CCDC112: variants seen among roughly 807,000 people sequenced by gnomAD.
The protein encoded by CCDC112 is coiled-coil domain-containing protein 112.
CCDC112 carries 40 observed loss-of-function variants against 66.3 expected under a neutral mutation model. The ratio of observed to expected loss-of-function variants is 0.60; its 90% CI spans 0.47 to 0.79. The LOEUF (loss-of-function observed/expected upper bound fraction) is 0.79. CCDC112 is among the 30% of genes least tolerant of loss of function. CCDC112 has a pLI of 0.00. For missense variants in CCDC112, 659 were observed against 603.8 expected, an observed-to-expected ratio of 1.09 and a Z score of -0.96; for synonymous variants, 214 against 197.2, an observed-to-expected ratio of 1.09 and a Z score of -0.71.
intron 1 of CCDC112, 102 bp from the exon 2 acceptor site, chr5:115,285,010 G>C: frequency 9.3e-7 from 1 of 1,075,340 alleles, no homozygotes; most frequent in South Asian, 1.7e-5. Flanking sequence ...GTTTCTTGAA[G>C]GATAATTTTG....
rs142189043 is a variant in CCDC112 at position 115,275,626 on chromosome 5, GT to G, written c.528-21del. The G allele has an allele frequency of 4.1e-3, 6,052 of 1,482,458 alleles. 235 individuals carry two copies. The African/African-American group carries it at 0.077, about 19-fold the overall frequency. The allele number at this position is 1,482,458 out of a possible 1,614,324, so 91.8% of individuals were successfully genotyped here. The stretch of plus-strand genomic sequence containing the variant: ...TCATATCTAAAATTTTAAAAATAAA[GT>G]TTGAATAAGAAGACAATCCATATTA... On this transcript the variant is annotated intron_variant, in intron 5 of 9. Coordinates refer to ENST00000379611, the MANE Select transcript of CCDC112 (RefSeq NM_001040440.3).
intron 6 of CCDC112, among the ~76,000 whole-genome samples, chr5:115,274,234 C>T (rs1032933776): frequency 1.3e-5 from 2 of 152,226 alleles, no homozygotes; most frequent in East Asian, 3.9e-4. Context: ...TAAGCATCTA[C>T]CCGCTGGAAA....
At chr5:115,283,182 GTTA>G (rs1200029585) in intron 2 of CCDC112, among the ~76,000 whole-genome samples, 1 of 151,970 alleles carries the variant, frequency 6.6e-6, no homozygotes, top group Non-Finnish European at 1.5e-5. Flanking sequence ...CATACAATAC[GTTA>G]TTATTAACTA....
At position 115,282,352 on chromosome 5, in the gene CCDC112, A is replaced by G. The variant is rs187738124; in HGVS notation, c.239+2435T>C. 5.6e-3 allele frequency among the ~76,000 whole-genome samples: 847 copies of G among 152,266 alleles called. 6 individuals are homozygous for G. The highest frequency in any genetic ancestry group is 9.1e-3 in the Non-Finnish European group (616 of 67,988). On this transcript the variant is annotated intron_variant, in intron 2 of 9. Transcript: ENST00000379611. ...TACCTCTCATTTCATCTATCCATCT[A>G]TCTTTGCTTTGCTCAGTTTAAGTAT...
chr5:115,281,218 T>C (rs929763906), intron 2 of CCDC112, among the ~76,000 whole-genome samples: 2 of 152,094 alleles, frequency 1.3e-5, no homozygotes, highest in African/African-American at 4.8e-5. Context: ...GAGACAGAAT[T>C]TCGCCATGTT....
intron 1 of CCDC112, chr5:115,295,881 C>T: frequency 1.0e-6 from 1 of 985,490 alleles, no homozygotes; most frequent in Non-Finnish European, 1.2e-6. Flanking sequence ...GAAAGTCTCG[C>T]TGAGCTGATA....
intron 3 of CCDC112, among the ~76,000 whole-genome samples, chr5:115,277,557 C>A (rs1041281710): frequency 6.6e-6 from 1 of 152,122 alleles, no homozygotes; most frequent in Non-Finnish European, 1.5e-5. Context: ...GCAGGTGATA[C>A]TCATTGTTAT....
intron 6 of CCDC112, among the ~76,000 whole-genome samples, chr5:115,273,922 A>C (rs1749100151): frequency 6.6e-6 from 1 of 152,144 alleles, no homozygotes; most frequent in South Asian, 2.1e-4. Context: ...ATTTCCCTAC[A>C]TTCAATTTAT....
chr5:115,287,860 T>G (rs1354062235), intron 1 of CCDC112, among the ~76,000 whole-genome samples: 1 of 151,974 alleles, frequency 6.6e-6, no homozygotes, highest in South Asian at 2.1e-4. Flanking sequence ...TTTCTTTTAT[T>G]TTTCTTTTTG....
rs1749649188 is a variant in CCDC112 at position 115,285,775 on chromosome 5, G to T, written c.118-867C>A. ...TTTGGAGAGGAAATTGATGGGAGGTGTGGGGGTGGAGTGAGGCAAGACTGG... is the reference window on the plus strand; with the variant it reads ...TTTGGAGAGGAAATTGATGGGAGGTTTGGGGGTGGAGTGAGGCAAGACTGG... On this transcript the variant is annotated intron_variant, in intron 1 of 9. Transcript: ENST00000379611. Among the ~76,000 whole-genome samples, 3 of 152,260 alleles carry T rather than the reference G, an allele frequency of 2.0e-5. No homozygotes were observed. The South Asian group carries it at 6.2e-4, about 32-fold the overall frequency.
chr5:115,272,356 A>C (rs1009126470), intron 6 of CCDC112, among the ~76,000 whole-genome samples: 2 of 152,212 alleles, frequency 1.3e-5, no homozygotes, highest in Non-Finnish European at 2.9e-5. Flanking sequence ...AGAAGAATTA[A>C]GAGTAGGGTG....
intron 1 of CCDC112, among the ~76,000 whole-genome samples, chr5:115,287,200 T>C (rs1749711404): frequency 6.6e-6 from 1 of 152,214 alleles, no homozygotes. Context: ...TGTTATCGTC[T>C]GTCTTTTTTA....
chr5:115,279,935 A>G (rs1012569668), intron 2 of CCDC112, among the ~76,000 whole-genome samples, 167 bp from the exon 3 acceptor site: 4 of 152,250 alleles, frequency 2.6e-5, no homozygotes, highest in African/African-American at 9.6e-5. Flanking sequence ...ATTAGTCAAA[A>G]TAATAGCTAG....
chr5:115,294,115 G>A (rs1040126070), intron 1 of CCDC112, among the ~76,000 whole-genome samples: 2 of 152,254 alleles, frequency 1.3e-5, no homozygotes, highest in Admixed American at 6.5e-5. Flanking sequence ...TTCATAATGA[G>A]TGAGGAATTT....
At chr5:115,270,679 A>C (rs1748958952) in intron 7 of CCDC112, among the ~76,000 whole-genome samples, 2 of 152,188 alleles carry the variant, frequency 1.3e-5, no homozygotes, top group Admixed American at 6.5e-5. Flanking sequence ...AATATGGTAA[A>C]GCCAGCCAGT....
intron 1 of CCDC112, among the ~76,000 whole-genome samples, chr5:115,289,785 G>C (rs1380864105): frequency 6.6e-6 from 1 of 152,164 alleles, no homozygotes; most frequent in Non-Finnish European, 1.5e-5. Flanking sequence ...CCCAGTTCAA[G>C]TGATCCTCCT....
intron 1 of CCDC112, among the ~76,000 whole-genome samples, chr5:115,292,553 G>T (rs370709507): frequency 6.6e-6 from 1 of 152,078 alleles, no homozygotes; most frequent in Admixed American, 6.6e-5. Context: ...CTTTCTTGCC[G>T]TGTCTCATAA....
chr5:115,294,970 G>C (rs1159619627), intron 1 of CCDC112, among the ~76,000 whole-genome samples: 1 of 152,080 alleles, frequency 6.6e-6, no homozygotes, highest in Non-Finnish European at 1.5e-5. Flanking sequence ...CTACTAAAGT[G>C]GTAAGACAGT....
Position 115,271,255 on chromosome 5 carries a change from TTTTTCTGCC to T in CCDC112, c.1281_1289del (p.Ala428_Lys430del), listed in dbSNP as rs770634478. On this transcript the variant is annotated inframe_deletion, in exon 7 of 10. Transcript: ENST00000379611. ...AAATTTCATCAGCAGCATTTTTCCT[TTTTTCTGCC>T]TTTTCTGCCTTTTCCCTTATCTCCT... 29 of 1,583,408 alleles carry T rather than the reference TTTTTCTGCC, an allele frequency of 1.8e-5. 1 individual carries two copies. Among genetic ancestry groups the T allele is most frequent in the South Asian group, 1.4e-4 (12 of 84,536 alleles).
Sources: gnomAD v4.1 joint callset for allele counts (sites outside exome capture counted in the v4.1 genomes callset) on GRCh38, gnomAD v4.1.1 for gene constraint, MANE v1.5 for transcripts, NCBI Gene and HGNC (gene_info 2026-07-23, HGNC 2026-07-21) for gene names.